NRG1: variants seen among roughly 807,000 people sequenced by gnomAD.
The protein encoded by NRG1 is neuregulin 1, also known as pro-neuregulin-1, membrane-bound isoform.
Under a neutral mutation model 63.8 loss-of-function variants are expected in NRG1, and 18 were observed. The observed-to-expected ratio is 0.28, with a 90% CI of 0.19 to 0.42. The LOEUF (loss-of-function observed/expected upper bound fraction) is 0.42, where lower values mean the gene tolerates loss of function less well. Among genes scored for constraint, NRG1 ranks in the 10% least tolerant of loss-of-function variants. The pLI is 1.00. For synonymous variants in NRG1, 302 were observed against 301.3 expected (o/e 1.00, Z -0.02); for missense variants, 762 against 814.7 (o/e 0.94, Z 0.79).
intron 1 of NRG1, among the ~76,000 whole-genome samples, chr8:31,933,267 G>A (rs929952523): frequency 6.6e-6 from 1 of 151,152 alleles, no homozygotes; most frequent in Admixed American, 6.6e-5. Context: ...CCTGATGGAT[G>A]TCATTATTAT....
At chr8:31,641,613 G>A (rs1803792770) in intron 1 of NRG1, 1 of 152,090 alleles carries the variant, frequency 6.6e-6, no homozygotes, top group Admixed American at 6.5e-5. Context: ...TTATGTTTAT[G>A]CCATTCATAA....
chr8:31,996,600 A>G (rs181929569), intron 1 of NRG1, among the ~76,000 whole-genome samples: 15 of 152,012 alleles, frequency 9.9e-5, no homozygotes, highest in Non-Finnish European at 1.9e-4. Context: ...TTAGCCAGGT[A>G]TGGTAGCCCA....
chr8:31,644,747 T>C (rs921573628), intron 1 of NRG1, among the ~76,000 whole-genome samples: 4 of 152,170 alleles, frequency 2.6e-5, no homozygotes, highest in Admixed American at 6.5e-5. Context: ...ACATAATGTC[T>C]TTTACAACCC....
At chr8:32,044,931 A>AAAG (rs1491195459) in intron 1 of NRG1, among the ~76,000 whole-genome samples, 3 of 131,654 alleles carry the variant, frequency 2.3e-5, no homozygotes, top group Non-Finnish European at 4.8e-5. Context: ...AAAAAAAAAA[A>AAAG]CACACACACA....
intron 1 of NRG1, among the ~76,000 whole-genome samples, chr8:31,910,097 C>T (rs1408682334): frequency 6.6e-6 from 1 of 152,134 alleles, no homozygotes; most frequent in Non-Finnish European, 1.5e-5. Flanking sequence ...TGACTTATTT[C>T]CATAGGGTTT....
At chr8:32,225,182 T>G (rs1224357323) in intron 1 of NRG1, among the ~76,000 whole-genome samples, 1 of 152,200 alleles carries the variant, frequency 6.6e-6, no homozygotes, top group Non-Finnish European at 1.5e-5. Flanking sequence ...CAAAACCTGC[T>G]ACCTCCCTGG....
chr8:32,297,728 A>G (rs1379628270), intron 1 of NRG1, among the ~76,000 whole-genome samples: 1 of 152,060 alleles, frequency 6.6e-6, no homozygotes, highest in African/African-American at 2.4e-5. Context: ...TACTACCACA[A>G]GCCACATTTC....
At chr8:31,918,707 T>C (rs376882808) in intron 1 of NRG1, among the ~76,000 whole-genome samples, 4 of 152,292 alleles carry the variant, frequency 2.6e-5, no homozygotes, top group African/African-American at 7.2e-5. Context: ...CAGGATGATG[T>C]TGGCCTCATA....
chr8:31,914,775 A>C (rs914455549), intron 1 of NRG1, among the ~76,000 whole-genome samples: 4 of 152,060 alleles, frequency 2.6e-5, no homozygotes, highest in African/African-American at 9.6e-5. Context: ...GGTGTATGTT[A>C]CCTTTTTAGT....
At chr8:32,374,486 C>T (rs1214099728) in intron 1 of NRG1, among the ~76,000 whole-genome samples, 2 of 152,208 alleles carry the variant, frequency 1.3e-5, no homozygotes, top group African/African-American at 4.8e-5. Context: ...CTGTGTCGCA[C>T]TCACTCTTGA....
At position 31,976,094 on chromosome 8, in the gene NRG1, T is replaced by C. The variant is rs558039653; in HGVS notation, c.37+336663T>C. On this transcript the variant is annotated intron_variant, in intron 1 of 10. Coordinates refer to the NRG1 transcript ENST00000519301. ...AATGGCTGTAAAGTGACATGTTGTATACAACACAACATAATTTATTATGTG... is the reference window on the plus strand; with the variant it reads ...AATGGCTGTAAAGTGACATGTTGTACACAACACAACATAATTTATTATGTG... Among the ~76,000 whole-genome samples, 6 of 152,284 alleles carry C rather than the reference T, an allele frequency of 3.9e-5. No individual in the cohort carries two copies. In the South Asian group the frequency reaches 1.2e-3, roughly 32 times the overall value.
intron 1 of NRG1, among the ~76,000 whole-genome samples, chr8:31,911,167 G>A (rs1832912777): frequency 6.7e-6 from 1 of 149,820 alleles, no homozygotes; most frequent in Non-Finnish European, 1.5e-5. Context: ...GAAACTTGTT[G>A]TGTGGGAGCG....
chr8:31,836,488 T>G (rs933603842), intron 1 of NRG1, among the ~76,000 whole-genome samples: 6 of 152,116 alleles, frequency 3.9e-5, no homozygotes, highest in African/African-American at 1.4e-4. Flanking sequence ...TTTTAAACAT[T>G]CAGATATATT....
intron 1 of NRG1, among the ~76,000 whole-genome samples, chr8:32,380,459 C>G (rs888931133): frequency 1.3e-5 from 2 of 152,136 alleles, no homozygotes; most frequent in Non-Finnish European, 2.9e-5. Context: ...AGCATAGTCT[C>G]TCCCCTGGAC....
intron 1 of NRG1, among the ~76,000 whole-genome samples, chr8:32,491,360 TA>T (rs1453408404): frequency 6.6e-6 from 1 of 152,218 alleles, no homozygotes; most frequent in East Asian, 1.9e-4. Context: ...ATTATTTCAA[TA>T]TGCTTATAAA....
chr8:32,563,477 A>C (rs1367445072), intron 1 of NRG1, among the ~76,000 whole-genome samples: 1 of 152,212 alleles, frequency 6.6e-6, no homozygotes, highest in Non-Finnish European at 1.5e-5. Context: ...TTTGGGAATT[A>C]CTAGTGCAGA....
chr8:32,613,189 T>C (rs1181996773), intron 3 of NRG1, among the ~76,000 whole-genome samples: 1 of 152,054 alleles, frequency 6.6e-6, no homozygotes, highest in Non-Finnish European at 1.5e-5. Flanking sequence ...TTTGATGTAT[T>C]GAAACCAAGC....
chr8:32,544,325 T>G (rs1201046845), upstream of NRG1, among the ~76,000 whole-genome samples: 3 of 152,154 alleles, frequency 2.0e-5, no homozygotes, highest in South Asian at 6.2e-4. Flanking sequence ...TCCCCCAAAT[T>G]TTATGAGCTT....
intron 1 of NRG1, among the ~76,000 whole-genome samples, chr8:31,866,588 C>A (rs1264407873): frequency 6.6e-6 from 1 of 152,054 alleles, no homozygotes; most frequent in Non-Finnish European, 1.5e-5. Context: ...GTTGAAAATT[C>A]TCCTATAATA....
Sources: allele counts gnomAD v4.1 joint callset (sites outside exome capture counted in the v4.1 genomes callset), GRCh38; gene constraint gnomAD v4.1.1; transcripts MANE v1.5; gene names NCBI Gene and HGNC (gene_info 2026-07-23, HGNC 2026-07-21).